Variants in TMEM178B observed in about 807,000 individuals in gnomAD.
TMEM178B encodes transmembrane protein 178B.
TMEM178B carries 5 observed loss-of-function variants against 31.0 expected under a neutral mutation model. That is an observed-to-expected ratio of 0.16 (90% confidence interval 0.08 to 0.34). TMEM178B has a LOEUF of 0.34. Among genes scored for constraint, TMEM178B ranks in the 10% least tolerant of loss-of-function variants. TMEM178B has a pLI of 1.00. For missense variants in TMEM178B, 275 were observed against 400.3 expected (o/e 0.69, Z 2.67); for synonymous variants, 164 against 164.0 (o/e 1.00, Z 0.00).
At chr7:141,192,600 G>A (rs943323943) in intron 1 of TMEM178B, among the ~76,000 whole-genome samples, 6 of 151,930 alleles carry the variant, frequency 3.9e-5, no homozygotes, top group Admixed American at 6.6e-5. Context: ...GAATAGCTGC[G>A]ACTACAGGCG....
chr7:141,227,986 A>G (rs932141308), intron 2 of TMEM178B, among the ~76,000 whole-genome samples: 2 of 152,026 alleles, frequency 1.3e-5, no homozygotes, highest in Admixed American at 6.5e-5. Flanking sequence ...AGAATTAACT[A>G]TATTTTCTTA....
chr7:141,507,897 C>T, the TMEM178B span, among the ~76,000 whole-genome samples: 1 of 152,190 alleles, frequency 6.6e-6, no homozygotes, highest in Admixed American at 6.5e-5. Flanking sequence ...GGCCTCTGGG[C>T]CTATGATGGG....
At chr7:141,128,170 A>G (rs1586785138) in intron 1 of TMEM178B, among the ~76,000 whole-genome samples, 1 of 152,198 alleles carries the variant, frequency 6.6e-6, no homozygotes, top group African/African-American at 2.4e-5. Flanking sequence ...AACAGGTGTA[A>G]ACTGGGACTA....
chr7:141,322,598 A>G (rs993686406), intron 2 of TMEM178B, among the ~76,000 whole-genome samples: 1 of 152,216 alleles, frequency 6.6e-6, no homozygotes, highest in South Asian at 2.1e-4. Context: ...GTCTGGGGTC[A>G]AAAAACTTCC....
rs563584413 is a variant in TMEM178B, at chr7:141,085,223, C to G, written c.382+10531C>G. Among the ~76,000 whole-genome samples the G allele has an allele frequency of 1.1e-4, 15 of 137,990 alleles. No individual in the cohort carries two copies. In the South Asian group the frequency reaches 1.4e-3, roughly 13 times the overall value. 90.5% of individuals were successfully genotyped at this position (137,990 alleles called of 152,430 possible). A position where few individuals can be genotyped will look rare whatever the true frequency, so the allele number is the denominator to read the frequency against. On this transcript the variant is annotated intron_variant, in intron 1 of 3. Transcript: ENST00000565468. ...TGTTGGCCAGGCTGGTCTCGAATTCCTGATCTCAGGTGATCCACCAGCCTC... is the reference window on the plus strand; with the variant it reads ...TGTTGGCCAGGCTGGTCTCGAATTCGTGATCTCAGGTGATCCACCAGCCTC...
At position 141,318,419 on chromosome 7, in the gene TMEM178B, A is replaced by C. The variant is rs1360534571; in HGVS notation, c.496+105715A>C. On this transcript the variant is annotated intron_variant, in intron 2 of 3. Coordinates refer to ENST00000565468, the MANE Select transcript of TMEM178B (RefSeq NM_001195278.2). This position sits in a 1 kb window ranked among gnomAD's most constrained non-coding sequence, Gnocchi z 4.1. ...CTTGAATTAATCTAGTGGGGGGAAAACCCAAGTGTTTGGTTTCAGGAAACT... is the reference window on the plus strand; with the variant it reads ...CTTGAATTAATCTAGTGGGGGGAAACCCCAAGTGTTTGGTTTCAGGAAACT... Among the ~76,000 whole-genome samples, 1 of 152,138 alleles carries C rather than the reference A, an allele frequency of 6.6e-6. No homozygotes were observed. The highest frequency in any genetic ancestry group is 6.5e-5 in the Admixed American group (1 of 15,274).
chr7:141,417,658 C>T (rs1181727), intron 2 of TMEM178B, among the ~76,000 whole-genome samples: 6,885 of 152,190 alleles, frequency 0.045, 522 homozygotes, highest in African/African-American at 0.16. Context: ...TCTCCCTACC[C>T]CCCACCTAGC....
chr7:141,368,943 G>A (rs1444441824), intron 2 of TMEM178B, among the ~76,000 whole-genome samples: 1 of 152,220 alleles, frequency 6.6e-6, no homozygotes, highest in Admixed American at 6.5e-5. Context: ...TTGTTAGTGA[G>A]TGTTTGACTT....
intron 2 of TMEM178B, among the ~76,000 whole-genome samples, chr7:141,271,078 A>G (rs73167499): frequency 0.048 from 7,345 of 152,158 alleles, 293 homozygotes; most frequent in East Asian, 0.13. Flanking sequence ...GGGACAATCG[A>G]TTGTCTCCTC....
chr7:141,322,980 C>T (rs1054427485), intron 2 of TMEM178B, among the ~76,000 whole-genome samples: 6 of 152,108 alleles, frequency 3.9e-5, no homozygotes, highest in African/African-American at 9.7e-5. Context: ...TGTATTTTAC[C>T]ATTTCCTTAT....
At chr7:141,145,374 T>C (rs1795835248) in intron 1 of TMEM178B, among the ~76,000 whole-genome samples, 1 of 152,186 alleles carries the variant, frequency 6.6e-6, no homozygotes, top group African/African-American at 2.4e-5. Context: ...GCTAACCCTG[T>C]TGTGCCTAGC....
chr7:141,197,271 A>G (rs1336678380), intron 1 of TMEM178B, among the ~76,000 whole-genome samples: 2 of 152,230 alleles, frequency 1.3e-5, no homozygotes, highest in African/African-American at 4.8e-5. Flanking sequence ...ACTTGGGTAT[A>G]GAGAGAGGGC....
intron 1 of TMEM178B, among the ~76,000 whole-genome samples, chr7:141,130,381 A>G (rs1795574605): frequency 6.6e-6 from 1 of 152,214 alleles, no homozygotes; most frequent in Non-Finnish European, 1.5e-5. Context: ...TTTGGGCAAG[A>G]TAAGAAAAAT....
chr7:141,254,045 T>C (rs1042892513), intron 2 of TMEM178B, among the ~76,000 whole-genome samples: 1 of 152,366 alleles, frequency 6.6e-6, no homozygotes, highest in Admixed American at 6.5e-5. Flanking sequence ...TTTGGAATTT[T>C]GCTTTTTGAA....
rs953208388 is a variant in TMEM178B at position 141,344,038 on chromosome 7, A to G, written c.497-93570A>G. ...AGAGGAAAGGACAGCTTGGATTGTGACAGATTTTAAAATACGGAGTATATG... is the reference window on the plus strand; with the variant it reads ...AGAGGAAAGGACAGCTTGGATTGTGGCAGATTTTAAAATACGGAGTATATG... On this transcript the variant is annotated intron_variant, in intron 2 of 3. Transcript: ENST00000565468. This position sits in a 1 kb window ranked among gnomAD's most constrained non-coding sequence, Gnocchi z 4.1. Among the ~76,000 whole-genome samples the G allele has an allele frequency of 3.9e-5, 6 of 152,186 alleles. No homozygotes were observed. Among genetic ancestry groups the G allele is most frequent in the Admixed American group, 6.5e-5 (1 of 15,278 alleles).
Position 141,171,057 on chromosome 7 carries a change from CACACACA to C in TMEM178B, c.383-41533_383-41527del, listed in dbSNP as rs1392804710. ...ACACACACACACACACACACACACACACACACACCCTAAATATAAATTAAAATAAATA... is the reference window on the plus strand; with the variant it reads ...ACACACACACACACACACACACACACCCCTAAATATAAATTAAAATAAATA... On this transcript the variant is annotated intron_variant, in intron 1 of 3. Coordinates refer to ENST00000565468, the MANE Select transcript of TMEM178B (RefSeq NM_001195278.2). This position sits in a 1 kb window ranked among gnomAD's most constrained non-coding sequence, Gnocchi z 4.3. Among the ~76,000 whole-genome samples the C allele has an allele frequency of 4.1e-4, 32 of 77,768 alleles. No individual in the cohort carries two copies. In the South Asian group the frequency reaches 4.2e-3, roughly 10 times the overall value. The allele number at this position is 77,768 out of a possible 152,430, so 51.0% of individuals were successfully genotyped here.
chr7:141,305,685 T>G (rs1798804998), intron 2 of TMEM178B, among the ~76,000 whole-genome samples: 1 of 152,196 alleles, frequency 6.6e-6, no homozygotes, highest in African/African-American at 2.4e-5. Flanking sequence ...TCCGCCCACC[T>G]TGGCCTCTGA....
Position 141,212,682 on chromosome 7 carries a change from T to C in TMEM178B, c.474T>C (p.Arg158=), listed in dbSNP as rs1016411874. 1 of 1,535,860 alleles carries C rather than the reference T, an allele frequency of 6.5e-7. No homozygotes were observed. Among genetic ancestry groups the C allele is most frequent in the African/African-American group, 1.4e-5 (1 of 73,024 alleles). Reference sequence around the variant, plus strand: ...CTTTCAATATCACGAAGACCATCCGTCAGGATGAGTGGCATGCCCTACGTA... The same window carrying C: ...CTTTCAATATCACGAAGACCATCCGCCAGGATGAGTGGCATGCCCTACGTA... ...NLTFNITKTI[R]QDEWHALHLR... The change falls in exon 2 of 4, where the codon CGT becomes CGC. Residue 158 remains arginine, a synonymous_variant. Transcript: ENST00000565468.
At chr7:141,450,287 C>A (rs1012614107) in intron 3 of TMEM178B, among the ~76,000 whole-genome samples, 2 of 152,178 alleles carry the variant, frequency 1.3e-5, no homozygotes, top group African/African-American at 4.8e-5. Context: ...TTTGAACATG[C>A]CCAATGCTTG....
Sources: allele counts gnomAD v4.1 joint callset (sites outside exome capture counted in the v4.1 genomes callset), GRCh38; gene constraint gnomAD v4.1.1; non-coding constraint Gnocchi (gnomAD v3.1); transcripts MANE v1.5; gene names NCBI Gene and HGNC (gene_info 2026-07-23, HGNC 2026-07-21).